The following CHST12 variants were observed in gnomAD, a reference collection of about 807,000 sequenced individuals.
CHST12 encodes the protein carbohydrate sulfotransferase 12.
Under a neutral mutation model 27.9 loss-of-function variants are expected in CHST12, and 23 were observed. That is an observed-to-expected ratio of 0.82 (90% CI 0.59 to 1.17). The LOEUF is 1.17. Among genes scored for constraint, CHST12 ranks in the 50% most tolerant of loss-of-function variants. CHST12 has a pLI of 0.00. For synonymous variants in CHST12, 322 were observed against 273.0 expected, an observed-to-expected ratio of 1.18 and a Z score of -1.77; for missense variants, 682 against 603.0, an observed-to-expected ratio of 1.13 and a Z score of -1.37.
rs1198226499 is a variant in CHST12 at position 2,446,624 on chromosome 7, C to G, written c.*12740C>G. On this transcript the variant is annotated 3_prime_UTR_variant, in exon 2 of 2. Transcript: ENST00000618655. Reference sequence around the variant, plus strand: ...ATGTCCAGGGACCTCCCTGCTCCAGCTGGGACCTGTGGGGCTTTGTCTGTT... The same window carrying G: ...ATGTCCAGGGACCTCCCTGCTCCAGGTGGGACCTGTGGGGCTTTGTCTGTT... 6.5e-6 allele frequency: 1 copy of G among 153,002 alleles called. No individual in the cohort carries two copies. The highest frequency in any genetic ancestry group is 2.4e-5 in the African/African-American group (1 of 41,478). 9.5% of individuals were successfully genotyped at this position (153,002 alleles called of 1,614,324 possible). A position where few individuals can be genotyped will look rare whatever the true frequency, so the allele number is the denominator to read the frequency against.
At chr7:2,417,371 G>T (rs370783214) in intron 1 of CHST12, among the ~76,000 whole-genome samples, 32 of 150,088 alleles carry the variant, frequency 2.1e-4, no homozygotes, top group African/African-American at 6.9e-4. Flanking sequence ...TTACAGGTGT[G>T]CGCCACCATG....
At chr7:2,415,301 G>A (rs1781774357) in intron 1 of CHST12, among the ~76,000 whole-genome samples, 1 of 151,532 alleles carries the variant, frequency 6.6e-6, no homozygotes, top group Non-Finnish European at 1.5e-5. Context: ...CAGAGTAGAG[G>A]TTGCAGTGAG....
Position 2,435,274 on chromosome 7 carries a change from T to G in CHST12, c.*1390T>G, listed in dbSNP as rs1782444644. The stretch of plus-strand genomic sequence containing the variant: ...GATTAAATAGAAAGTAAACTATGGC[T>G]GTTGAGGTTTACAGTTGGCAGGAGT... On this transcript the variant is annotated 3_prime_UTR_variant, in exon 2 of 2. Transcript: ENST00000618655. 1 of 152,216 alleles carries G rather than the reference T, an allele frequency of 6.6e-6. No homozygotes were observed. The highest frequency in any genetic ancestry group is 1.5e-5 in the Non-Finnish European group (1 of 68,078). The allele number at this position is 152,216 out of a possible 1,614,324, so 9.4% of individuals were successfully genotyped here. A position where few individuals can be genotyped will look rare whatever the true frequency, so the allele number is the denominator to read the frequency against.
At chr7:2,421,080 C>T (rs895561240) in intron 1 of CHST12, among the ~76,000 whole-genome samples, 2 of 151,344 alleles carry the variant, frequency 1.3e-5, no homozygotes, top group Admixed American at 1.3e-4. Context: ...TTTTTTGAGA[C>T]AGAGTCTCAC....
intron 1 of CHST12, among the ~76,000 whole-genome samples, chr7:2,421,702 G>A (rs567747467): frequency 1.3e-5 from 2 of 152,064 alleles, no homozygotes; most frequent in African/African-American, 4.8e-5. Context: ...CTCCCAAAGT[G>A]CCAGGATTAC....
chr7:2,420,784 CAG>C (rs1034089297), intron 1 of CHST12, among the ~76,000 whole-genome samples: 2 of 152,182 alleles, frequency 1.3e-5, no homozygotes, highest in African/African-American at 4.8e-5. Flanking sequence ...GACCCTGTCT[CAG>C]GAAAAGAACA....
rs913413022 is a variant in CHST12 at position 2,447,283 on chromosome 7, G to A, written c.*13399G>A. 1 of 152,242 alleles carries A rather than the reference G, an allele frequency of 6.6e-6. No individual in the cohort carries two copies. Among genetic ancestry groups the A allele is most frequent in the Non-Finnish European group, 1.5e-5 (1 of 68,116 alleles). 9.4% of individuals were successfully genotyped at this position (152,242 alleles called of 1,614,324 possible). ...ATCCCGGCCACTGGCTTCCTCCAAA[G>A]CCTCCTCCTCTTACATCAGCAAACC... On this transcript the variant is annotated 3_prime_UTR_variant, in exon 2 of 2. Transcript: ENST00000618655.
intron 1 of CHST12, among the ~76,000 whole-genome samples, chr7:2,421,943 C>T (rs1440208272): frequency 1.3e-5 from 2 of 152,266 alleles, no homozygotes; most frequent in South Asian, 2.1e-4. Flanking sequence ...ATTAAATTAT[C>T]CATGAAAAGT....
chr7:2,432,539 AC>A (rs1782299663), intron 1 of CHST12, 23 bp from the exon 2 acceptor site: 5 of 1,314,276 alleles, frequency 3.8e-6, no homozygotes, highest in Middle Eastern at 2.4e-4. Flanking sequence ...TCAGTCATTA[AC>A]TAGTGTGTCA....
At chr7:2,425,067 G>A (rs1381235457) in intron 1 of CHST12, among the ~76,000 whole-genome samples, 1 of 152,030 alleles carries the variant, frequency 6.6e-6, no homozygotes, top group Non-Finnish European at 1.5e-5. Context: ...TTAGCCAGGT[G>A]TGGTGGCGGG....
At chr7:2,428,911 C>T (rs1028908352) in intron 1 of CHST12, among the ~76,000 whole-genome samples, 1 of 152,148 alleles carries the variant, frequency 6.6e-6, no homozygotes, top group African/African-American at 2.4e-5. Flanking sequence ...CCTAAAGAGG[C>T]CTAGAAGAGC....
Position 2,446,172 on chromosome 7 carries a change from G to A in CHST12, c.*12288G>A, listed in dbSNP as rs1782747273. On this transcript the variant is annotated 3_prime_UTR_variant, in exon 2 of 2. Transcript: ENST00000618655. ...GGGTCCCAGCCCAGCCTCTAGAAGA[G>A]CCAGCAGCAGGGCTGGAAGGGAGAG... 6.5e-6 allele frequency: 1 copy of A among 152,746 alleles called. No homozygotes were observed. The highest frequency in any genetic ancestry group is 1.5e-5 in the Non-Finnish European group (1 of 68,174). The allele number at this position is 152,746 out of a possible 1,614,324, so 9.5% of individuals were successfully genotyped here.
chr7:2,426,463 G>A (rs1782122113), intron 1 of CHST12, among the ~76,000 whole-genome samples: 1 of 152,144 alleles, frequency 6.6e-6, no homozygotes, highest in South Asian at 2.1e-4. Context: ...CCTATGGAGA[G>A]TGCATAGTCT....
intron 1 of CHST12, among the ~76,000 whole-genome samples, chr7:2,420,141 T>G (rs1345057077): frequency 6.6e-6 from 1 of 151,636 alleles, no homozygotes. Context: ...GCCCGGCTAA[T>G]TTTTTGTATT....
intron 1 of CHST12, among the ~76,000 whole-genome samples, chr7:2,423,593 C>G (rs983576882): frequency 1.3e-5 from 2 of 152,186 alleles, no homozygotes; most frequent in Non-Finnish European, 2.9e-5. Flanking sequence ...GGTTGGAGTC[C>G]TCTGGGTGCT....
In CHST12 at chr7:2,444,945, G is replaced by T. The variant is rs1228710641; in HGVS notation, c.*11061G>T. 6.6e-6 allele frequency: 1 copy of T among 152,104 alleles called. No homozygotes were observed. Among genetic ancestry groups the T allele is most frequent in the Non-Finnish European group, 1.5e-5 (1 of 68,028 alleles). 9.4% of individuals were successfully genotyped at this position (152,104 alleles called of 1,614,324 possible). On this transcript the variant is annotated 3_prime_UTR_variant, in exon 2 of 2. Transcript: ENST00000618655. ...AACCGGGGCCTTAAAAAACAATCTGGATGAAATGGTTTTTGCCATTTCAAT... is the reference window on the plus strand; with the variant it reads ...AACCGGGGCCTTAAAAAACAATCTGTATGAAATGGTTTTTGCCATTTCAAT...
Position 2,439,790 on chromosome 7 carries a change from A to G in CHST12, c.*5906A>G, listed in dbSNP as rs1439122713. On this transcript the variant is annotated 3_prime_UTR_variant, in exon 2 of 2. Coordinates refer to ENST00000618655, the MANE Select transcript of CHST12 (RefSeq NM_018641.5). ...GCTACTCGGGAGGCTGAGGCAGGAG[A>G]ATGGCGTGAACCCGGGAGGCGGAGC... The G allele has an allele frequency of 6.6e-6, 1 of 151,740 alleles. No homozygotes were observed. Among genetic ancestry groups the G allele is most frequent in the African/African-American group, 2.4e-5 (1 of 41,338 alleles). 9.4% of individuals were successfully genotyped at this position (151,740 alleles called of 1,614,324 possible).
chr7:2,443,507 T>C lies in CHST12; in HGVS notation c.*9623T>C, dbSNP rs992298233. The C allele has an allele frequency of 6.6e-6, 1 of 152,274 alleles. No homozygotes were observed. Among genetic ancestry groups the C allele is most frequent in the Non-Finnish European group, 1.5e-5 (1 of 68,090 alleles). The allele number at this position is 152,274 out of a possible 1,614,324, so 9.4% of individuals were successfully genotyped here. On this transcript the variant is annotated 3_prime_UTR_variant, in exon 2 of 2. Coordinates refer to ENST00000618655, the MANE Select transcript of CHST12 (RefSeq NM_018641.5). Reference sequence around the variant, plus strand: ...TGCCAAAAAGGTTGGGGACCGCGGCTCTGGAGTATATGCCTAGGAGTAGGA... The same window carrying C: ...TGCCAAAAAGGTTGGGGACCGCGGCCCTGGAGTATATGCCTAGGAGTAGGA...
intron 1 of CHST12, among the ~76,000 whole-genome samples, chr7:2,426,086 C>T (rs911119912): frequency 1.9e-4 from 29 of 152,070 alleles, no homozygotes; most frequent in Non-Finnish European, 3.2e-4. Flanking sequence ...AGATGGGCAT[C>T]GTGCGAAGGG....
Sources: gnomAD v4.1 joint callset for allele counts (sites outside exome capture counted in the v4.1 genomes callset) on GRCh38, gnomAD v4.1.1 for gene constraint, MANE v1.5 for transcripts, NCBI Gene and HGNC (gene_info 2026-07-23, HGNC 2026-07-21) for gene names.